PZP: variants seen among roughly 807,000 people sequenced by gnomAD.
PZP encodes the protein PZP alpha-2-macroglobulin like, also known as pregnancy zone protein.
PZP carries 150 observed loss-of-function variants against 179.8 expected under a neutral mutation model. That is an observed-to-expected ratio of 0.83 (90% CI 0.73 to 0.96). PZP has a LOEUF of 0.96. PZP is among the 40% of genes least tolerant of loss of function. PZP has a pLI of 0.00. For synonymous variants in PZP, 624 were observed against 652.3 expected, an observed-to-expected ratio of 0.96 and a Z score of 0.66; for missense variants, 1,689 against 1,764.0, an observed-to-expected ratio of 0.96 and a Z score of 0.76.
At chr12:9,174,943 C>A (rs1377419758) in intron 15 of PZP, among the ~76,000 whole-genome samples, 2 of 152,134 alleles carry the variant, frequency 1.3e-5, no homozygotes, top group Non-Finnish European at 2.9e-5. Flanking sequence ...ACATTCTTCA[C>A]AGAATTAGAA....
At chr12:9,156,080 G>C (rs569581406) in intron 28 of PZP, 30 of 230,638 alleles carry the variant, frequency 1.3e-4, no homozygotes, top group African/African-American at 6.7e-4. Flanking sequence ...TGCTTGATTT[G>C]TTCTGCAGCT....
chr12:9,185,957 A>ATG, intron 13 of PZP, among the ~76,000 whole-genome samples: 1 of 151,658 alleles, frequency 6.6e-6, no homozygotes, highest in East Asian at 1.9e-4. Flanking sequence ...ACAGGCGTGC[A>ATG]CCATCACACC....
At chr12:9,167,082 G>A (rs1341190052) in intron 17 of PZP, 1 of 152,196 alleles carries the variant, frequency 6.6e-6, no homozygotes, top group Non-Finnish European at 1.5e-5. Context: ...CTTGCCCCAT[G>A]TCCTTCCAAG....
rs1943067119 is a variant in PZP at position 9,185,796 on chromosome 12, T to TTTCTTTTCTTTTCTTTTCTC, written c.1547-3680_1547-3679insGAGAAAAGAAAAGAAAAGAA. ...TTTGGGGCCTATGTTCAACATTTCTTTTCTTTTCTTTTCTTTTCTTTTTTT... is the reference window on the plus strand; with the variant it reads ...TTTGGGGCCTATGTTCAACATTTCTTTTCTTTTCTTTTCTTTTCTCTTCTTTTCTTTTCTTTTCTTTTTTT... On this transcript the variant is annotated intron_variant, in intron 13 of 35. Transcript: ENST00000261336. Among the ~76,000 whole-genome samples, 2 of 146,472 alleles carry TTTCTTTTCTTTTCTTTTCTC rather than the reference T, an allele frequency of 1.4e-5. 1 individual carries two copies. The highest frequency in any genetic ancestry group is 3.9e-4 in the East Asian group (2 of 5,086).
Position 9,164,185 on chromosome 12 carries a change from GAT to G in PZP, c.2560_2561del (p.Ile854LeufsTer4). On this transcript the variant is annotated frameshift_variant, in exon 20 of 36. Coordinates refer to ENST00000261336, the MANE Select transcript of PZP (RefSeq NM_002864.3). LOFTEE classifies it high-confidence loss of function. ...QNTKGEESYC[I>X]CGNERQTLSW... is the part of the protein sequence containing the mutation. ...ACAAGGTTTGTCTCTCATTTCCACA[GAT>G]ACAATAGGATTCTTCTCCCTTTGTA... 6.2e-7 allele frequency: 1 copy of G among 1,609,478 alleles called. No homozygotes were observed. Among genetic ancestry groups the G allele is most frequent in the Non-Finnish European group, 8.5e-7 (1 of 1,175,772 alleles).
intron 7 of PZP, among the ~76,000 whole-genome samples, chr12:9,199,988 T>C (rs1279068627): frequency 6.6e-6 from 1 of 152,162 alleles, no homozygotes; most frequent in Non-Finnish European, 1.5e-5. Flanking sequence ...AAACTTGCAA[T>C]TAGTTTTGGA....
chr12:9,145,998 G>A (rs1939988877), downstream of PZP, among the ~76,000 whole-genome samples: 2 of 152,108 alleles, frequency 1.3e-5, no homozygotes, highest in African/African-American at 4.8e-5. Flanking sequence ...TAATGATTAT[G>A]TATTTTTATG....
intron 7 of PZP, 59 bp from the exon 8 acceptor site, chr12:9,197,182 C>A (rs755746106): frequency 2.7e-5 from 30 of 1,128,142 alleles, no homozygotes; most frequent in East Asian, 2.6e-4. Context: ...TCCACTACCA[C>A]TCCTCCACAG....
At chr12:9,187,951 G>C (rs894914315) in intron 13 of PZP, among the ~76,000 whole-genome samples, 1 of 152,252 alleles carries the variant, frequency 6.6e-6, no homozygotes, top group African/African-American at 2.4e-5. Context: ...ACCCTGATGG[G>C]GGTGGGGTGG....
At chr12:9,186,494 C>T (rs1164305792) in intron 13 of PZP, among the ~76,000 whole-genome samples, 3 of 152,124 alleles carry the variant, frequency 2.0e-5, no homozygotes, top group South Asian at 4.2e-4. Flanking sequence ...AGTGGTATGC[C>T]GTCTTTAAGA....
At chr12:9,202,218 A>C (rs1382673956) in intron 4 of PZP, 101 bp downstream of exon 4, 2 of 1,096,342 alleles carry the variant, frequency 1.8e-6, no homozygotes, top group Non-Finnish European at 2.7e-6. Flanking sequence ...TTCAAAAACA[A>C]GTGTCTTTCA....
At chr12:9,158,764 T>C (rs1052079525) in intron 25 of PZP, among the ~76,000 whole-genome samples, 188 bp from the exon 26 acceptor site, 3 of 148,558 alleles carry the variant, frequency 2.0e-5, no homozygotes, top group Admixed American at 6.7e-5. Context: ...TTTCTTTTTT[T>C]TTTTTTTTTT....
chr12:9,196,383 T>A lies in PZP; in HGVS notation c.1039A>T (p.Lys347Ter). 6.2e-7 allele frequency: 1 copy of A among 1,613,748 alleles called. No homozygotes were observed. The highest frequency in any genetic ancestry group is 8.5e-7 in the Non-Finnish European group (1 of 1,179,696). Reference protein sequence around the residue: ...SEITNIVSKLKFVKVDSHFRQ... With the variant: ...SEITNIVSKL The stretch of plus-strand genomic sequence containing the variant: ...AAGTGTGAATCCACTTTCACGAATT[T>A]GAGTTTGGATACAATGTTTGTGATT... Residue 347 changes from lysine to a stop codon, truncating the protein, a stop_gained, in exon 10 of 36, where the codon AAA becomes TAA. Coordinates refer to ENST00000261336, the MANE Select transcript of PZP (RefSeq NM_002864.3). LOFTEE classifies it high-confidence loss of function.
chr12:9,150,413 G>T (rs778750671), intron 34 of PZP, among the ~76,000 whole-genome samples: 28 of 152,092 alleles, frequency 1.8e-4, no homozygotes, highest in Non-Finnish European at 2.9e-4. Flanking sequence ...CTCCATAGTA[G>T]CTGGGATTAC....
At chr12:9,146,633 T>C (rs1940023634), downstream of PZP, among the ~76,000 whole-genome samples, 1 of 140,614 alleles carries the variant, frequency 7.1e-6, no homozygotes, top group Admixed American at 7.4e-5. Flanking sequence ...CTTCACAGAC[T>C]AGTCTTGTAT....
intron 15 of PZP, among the ~76,000 whole-genome samples, chr12:9,179,129 T>C (rs1942588641): frequency 6.6e-6 from 1 of 152,222 alleles, no homozygotes; most frequent in Non-Finnish European, 1.5e-5. Context: ...TTGCATTATG[T>C]TAAAAAGTTC....
intron 14 of PZP, 49 bp downstream of exon 14, chr12:9,181,926 T>C (rs191173582): frequency 1.1e-5 from 17 of 1,584,710 alleles, no homozygotes; most frequent in Non-Finnish European, 1.5e-5. Context: ...AGATGGCACC[T>C]ACAGTATCAT....
At chr12:9,191,056 A>C (rs144840168) in intron 13 of PZP, among the ~76,000 whole-genome samples, 12 of 152,288 alleles carry the variant, frequency 7.9e-5, no homozygotes, top group Admixed American at 3.3e-4. Flanking sequence ...AATTTTTTCC[A>C]ATTGTTGACT....
intron 34 of PZP, among the ~76,000 whole-genome samples, 173 bp from the exon 35 acceptor site, chr12:9,149,775 T>C (rs1940212984): frequency 6.6e-6 from 1 of 152,226 alleles, no homozygotes; most frequent in African/African-American, 2.4e-5. Flanking sequence ...ATATTCTCTT[T>C]CCCTGAGACT....
Sources: allele counts gnomAD v4.1 joint callset (sites outside exome capture counted in the v4.1 genomes callset), GRCh38; gene constraint gnomAD v4.1.1; transcripts MANE v1.5; gene names NCBI Gene and HGNC (gene_info 2026-07-23, HGNC 2026-07-21).